Variants in CFH observed in about 807,000 individuals in gnomAD.
CFH encodes H factor 1 (complement).
CFH carries 53 observed loss-of-function variants against 147.3 expected under a neutral mutation model. The observed-to-expected ratio is 0.36, with a 90% CI of 0.29 to 0.45. The LOEUF (loss-of-function observed/expected upper bound fraction) is 0.45. Among genes scored for constraint, CFH ranks in the 20% least tolerant of loss-of-function variants. CFH has a pLI of 1.00. For synonymous variants in CFH, 536 were observed against 489.4 expected (o/e 1.10, Z -1.26); for missense variants, 1,380 against 1,498.0 (o/e 0.92, Z 1.30).
intron 9 of CFH, among the ~76,000 whole-genome samples, chr1:196,695,281 T>G (rs932818566): frequency 3.9e-5 from 6 of 152,160 alleles, no homozygotes; most frequent in African/African-American, 1.4e-4. Context: ...CCCTATTGCT[T>G]GTTTTTGTCA....
chr1:196,670,620 C>T (rs1667244718), intron 1 of CFH, among the ~76,000 whole-genome samples: 1 of 152,098 alleles, frequency 6.6e-6, no homozygotes. Context: ...TTCCTGAGGC[C>T]TCCCCAACCA....
chr1:196,706,389 A>T (rs914313344), intron 9 of CFH, among the ~76,000 whole-genome samples: 1 of 152,142 alleles, frequency 6.6e-6, no homozygotes, highest in African/African-American at 2.4e-5. Context: ...CAGTGGATGG[A>T]CAATTTGGTA....
chr1:196,726,501 A>T lies in CFH; in HGVS notation c.1905A>T (p.Glu635Asp), dbSNP rs758692733. 4 of 1,612,564 alleles carry T rather than the reference A, an allele frequency of 2.5e-6. No homozygotes were observed. The highest frequency in any genetic ancestry group is 3.4e-6 in the Non-Finnish European group (4 of 1,178,872). ...TACAATCATGTGGTCCACCTCCTGA[A>T]CTCCTCAATGGGAATGTTAAGGAAA... ...EQVQSCGPPP[E>D]LLNGNVKEKT... The change falls in exon 13 of 22, where the codon GAA becomes GAT. Residue 635 changes from glutamate (E) to aspartate (D), a missense_variant. Glu to Asp is a conservative substitution (Grantham distance 45). This residue lies in a region of CFH where 830 missense variants were observed against 821.4 expected (regional missense o/e 1.01). Coordinates refer to ENST00000367429, the MANE Select transcript of CFH (RefSeq NM_000186.4).
In CFH at chr1:196,676,036, G is replaced by A; in HGVS notation, c.398G>A (p.Gly133Glu). ...EINYRECDTD[G>E]WTNDIPICEV... ...AATTACCGTGAATGTGACACAGATG[G>A]ATGGACCAATGATATTCCTATATGT... The change falls in exon 4 of 22, where the codon GGA (glycine) becomes GAA (glutamate). Residue 133 changes from glycine to glutamate, a missense_variant. By Grantham distance (98) the Gly-to-Glu change is moderately conservative. This residue lies in a region of CFH where 260 missense variants were observed against 263.3 expected (regional missense o/e 0.99). Transcript: ENST00000367429. 6.2e-7 allele frequency: 1 copy of A among 1,609,872 alleles called. No homozygotes were observed. The highest frequency in any genetic ancestry group is 8.5e-7 in the Non-Finnish European group (1 of 1,176,902).
intron 7 of CFH, among the ~76,000 whole-genome samples, chr1:196,685,607 G>A (rs1182252375): frequency 2.0e-5 from 3 of 151,720 alleles, no homozygotes; most frequent in African/African-American, 7.3e-5. Context: ...AGTTTCTATC[G>A]GTCAGTAATC....
intron 20 of CFH, 83 bp downstream of exon 20, chr1:196,743,711 T>G (rs571213799): frequency 6.3e-7 from 1 of 1,580,898 alleles, no homozygotes; most frequent in Admixed American, 1.7e-5. Context: ...GAAGTCATTT[T>G]TATTAATAGA....
At position 196,687,876 on chromosome 1, in the gene CFH, T is replaced by C. The variant is rs375498047; in HGVS notation, c.965-1544T>C. Among the ~76,000 whole-genome samples the C allele has an allele frequency of 6.6e-5, 10 of 152,134 alleles. 1 individual carries two copies. The East Asian group carries it at 1.4e-3, about 21-fold the overall frequency. Reference sequence around the variant, plus strand: ...ATCTATCAATTATAAGATATATGGATTGTAGGCCAAGAAACTATACTGAAA... The same window carrying C: ...ATCTATCAATTATAAGATATATGGACTGTAGGCCAAGAAACTATACTGAAA... On this transcript the variant is annotated intron_variant, in intron 7 of 21. Coordinates refer to ENST00000367429, the MANE Select transcript of CFH (RefSeq NM_000186.4).
chr1:196,689,550 A>C lies in CFH; in HGVS notation c.1095A>C (p.Ser365=). 6.2e-7 allele frequency: 1 copy of C among 1,613,654 alleles called. No homozygotes were observed. Among genetic ancestry groups the C allele is most frequent in the Non-Finnish European group, 8.5e-7 (1 of 1,179,716 alleles). ...YYCDEHFETP[S]GSYWDHIHCT... The stretch of plus-strand genomic sequence containing the variant: ...GTGATGAACATTTTGAGACTCCGTC[A>C]GGAAGTTACTGGGATCACATTCATT... Residue 365 remains serine, a synonymous_variant, in exon 8 of 22, where the codon TCA becomes TCC. Transcript: ENST00000367429.
chr1:196,721,969 G>A (rs1391924045), intron 11 of CFH, among the ~76,000 whole-genome samples: 3 of 151,954 alleles, frequency 2.0e-5, no homozygotes, highest in Admixed American at 6.6e-5. Flanking sequence ...TGAGCAGCAT[G>A]TGGTTGGTTT....
intron 11 of CFH, among the ~76,000 whole-genome samples, chr1:196,719,521 T>C (rs1668948466): frequency 6.6e-6 from 1 of 151,934 alleles, no homozygotes; most frequent in South Asian, 2.1e-4. Flanking sequence ...CTTTTAAGAA[T>C]AGTTTTAAAT....
At chr1:196,708,088 A>T (rs1345637631) in intron 9 of CFH, among the ~76,000 whole-genome samples, 1 of 152,198 alleles carries the variant, frequency 6.6e-6, no homozygotes, top group East Asian at 1.9e-4. Flanking sequence ...TCTAAAATTT[A>T]GAAATGGTCA....
chr1:196,701,911 G>A (rs74637479), intron 9 of CFH, among the ~76,000 whole-genome samples: 2,252 of 152,082 alleles, frequency 0.015, 60 homozygotes, highest in African/African-American at 0.051. Flanking sequence ...ACTGGATTTC[G>A]GAGAACAGTG....
chr1:196,744,765 G>T (rs1478019000), intron 20 of CFH, among the ~76,000 whole-genome samples: 8 of 152,134 alleles, frequency 5.3e-5, no homozygotes, highest in Non-Finnish European at 8.8e-5. Context: ...TGACTCCTCT[G>T]TTTATCCATT....
intron 10 of CFH, 65 bp from the exon 11 acceptor site, chr1:196,715,528 G>C: frequency 7.8e-7 from 1 of 1,281,796 alleles, no homozygotes; most frequent in Non-Finnish European, 1.1e-6. Flanking sequence ...TTCTTAGAAT[G>C]GGAAATACTC....
At chr1:196,656,497 C>G (rs1210060745) in intron 1 of CFH, among the ~76,000 whole-genome samples, 1 of 151,902 alleles carries the variant, frequency 6.6e-6, no homozygotes, top group African/African-American at 2.4e-5. Flanking sequence ...ATCACCTTGT[C>G]TTCTCTTATA....
chr1:196,740,549 A>G, intron 17 of CFH, 70 bp from the exon 18 acceptor site: 1 of 1,424,566 alleles, frequency 7.0e-7, no homozygotes, highest in Non-Finnish European at 9.8e-7. Context: ...AAAACTACTT[A>G]ATATTAAAAC....
intron 19 of CFH, 68 bp from the exon 20 acceptor site, chr1:196,743,384 A>T (rs1652877876): frequency 1.3e-6 from 2 of 1,584,928 alleles, no homozygotes; most frequent in Admixed American, 1.7e-5. Context: ...TATATTTGTA[A>T]CTGTTATCAG....
chr1:196,689,740 C>T, intron 8 of CFH, 126 bp downstream of exon 8: 1 of 1,018,992 alleles, frequency 9.8e-7, no homozygotes, highest in Non-Finnish European at 1.5e-6. Context: ...GTTGTTCAAG[C>T]AAAGTGACCA....
At chr1:196,671,172 T>A (rs1667264282) in intron 1 of CFH, among the ~76,000 whole-genome samples, 1 of 152,144 alleles carries the variant, frequency 6.6e-6, no homozygotes, top group African/African-American at 2.4e-5. Flanking sequence ...TTATTTTGAA[T>A]ATCTTTTTTA....
Sources: allele counts gnomAD v4.1 joint callset (sites outside exome capture counted in the v4.1 genomes callset), GRCh38; gene constraint gnomAD v4.1.1; regional missense constraint gnomAD v4.1.1; transcripts MANE v1.5; gene names NCBI Gene and HGNC (gene_info 2026-07-23, HGNC 2026-07-21).